The following TTC29 variants were observed in gnomAD, a reference collection of about 807,000 sequenced individuals.
The protein encoded by TTC29 is tetratricopeptide repeat protein 29.
Under a neutral mutation model 58.1 loss-of-function variants are expected in TTC29, and 49 were observed. That is an observed-to-expected ratio of 0.84 (90% CI 0.67 to 1.07). The LOEUF (loss-of-function observed/expected upper bound fraction) is 1.07. Ranked by LOEUF, TTC29 falls within the 50% of genes least tolerant of loss-of-function variation. The pLI is 0.00. For missense variants in TTC29, 582 were observed against 555.6 expected (o/e 1.05, Z -0.48); for synonymous variants, 209 against 196.8 (o/e 1.06, Z -0.52).
At chr4:146,942,847 G>T (rs1736538231) in intron 2 of TTC29, 4 of 413,490 alleles carry the variant, frequency 9.7e-6, no homozygotes, top group Non-Finnish European at 1.7e-5. Context: ...TAATTGCAGG[G>T]GTCTTTGAAG....
At chr4:146,714,510 A>T (rs1742774166) in intron 11 of TTC29, among the ~76,000 whole-genome samples, 1 of 151,926 alleles carries the variant, frequency 6.6e-6, no homozygotes, top group Non-Finnish European at 1.5e-5. Flanking sequence ...TGGGCAGAAA[A>T]TTTTCTAAAA....
chr4:146,879,653 C>A (rs1203363879), intron 6 of TTC29, among the ~76,000 whole-genome samples: 1 of 152,130 alleles, frequency 6.6e-6, no homozygotes, highest in Non-Finnish European at 1.5e-5. Context: ...AACTTTAACA[C>A]AGCAGGATCT....
chr4:146,809,336 T>G (rs1457863301), intron 10 of TTC29, among the ~76,000 whole-genome samples: 2 of 150,074 alleles, frequency 1.3e-5, no homozygotes, highest in African/African-American at 2.4e-5. Context: ...GGCAAAGACT[T>G]CATGACTAAA....
chr4:146,812,956 T>A (rs1231415971), intron 10 of TTC29: 1 of 152,168 alleles, frequency 6.6e-6, no homozygotes, highest in Non-Finnish European at 1.5e-5. Flanking sequence ...AGTTTGACAA[T>A]ATGCATCCTA....
At chr4:146,818,941 G>T (rs1306379213) in intron 10 of TTC29, among the ~76,000 whole-genome samples, 2 of 151,884 alleles carry the variant, frequency 1.3e-5, no homozygotes, top group Non-Finnish European at 2.9e-5. Context: ...TTGTGGGGTG[G>T]GGGATGGGGG....
rs1254677967 is a variant in TTC29, at chr4:146,767,160, C to T, written c.1330+36297G>A. Among the ~76,000 whole-genome samples the T allele has an allele frequency of 2.6e-5, 4 of 152,070 alleles. No individual in the cohort carries two copies. The East Asian group carries it at 5.8e-4, about 22-fold the overall frequency. On this transcript the variant is annotated intron_variant, in intron 11 of 12. Coordinates refer to ENST00000325106, the MANE Select transcript of TTC29 (RefSeq NM_031956.4). ...CAAAGATTTCATCCTATTTATGATA[C>T]TTTAAATCATTCCCCTTGTAGTTAA...
chr4:146,738,659 G>T (rs971792136), intron 11 of TTC29, among the ~76,000 whole-genome samples: 1 of 152,010 alleles, frequency 6.6e-6, no homozygotes, highest in Non-Finnish European at 1.5e-5. Flanking sequence ...AGGTCTCAGG[G>T]GTAGGCTTCA....
chr4:146,790,137 C>T (rs1465260680), intron 11 of TTC29, among the ~76,000 whole-genome samples: 4 of 152,226 alleles, frequency 2.6e-5, no homozygotes, highest in African/African-American at 9.6e-5. Context: ...CTCCTCAAAA[C>T]CTTCTATTTA....
intron 10 of TTC29, among the ~76,000 whole-genome samples, chr4:146,817,172 C>T (rs1185953385): frequency 2.6e-5 from 4 of 152,022 alleles, no homozygotes; most frequent in African/African-American, 9.7e-5. Context: ...TGATTGTATA[C>T]CTAGAAAACC....
chr4:146,931,397 C>T (rs1047200755), intron 4 of TTC29, among the ~76,000 whole-genome samples: 1 of 151,990 alleles, frequency 6.6e-6, no homozygotes, highest in Non-Finnish European at 1.5e-5. Context: ...TGCTTAAAAG[C>T]CAAAGAAAAA....
rs140560323 is a variant in TTC29, at chr4:146,882,907, C to G, written c.587-7979G>C. Among the ~76,000 whole-genome samples the G allele has an allele frequency of 3.4e-3, 524 of 152,058 alleles. 7 individuals are homozygous for G. The highest frequency in any genetic ancestry group is 0.014 in the East Asian group (73 of 5,184). On this transcript the variant is annotated intron_variant, in intron 6 of 12. Coordinates refer to ENST00000325106, the MANE Select transcript of TTC29 (RefSeq NM_031956.4). ...AGAAATAATGTTGGTTGAACTTCTACTATGTGCCAGGCGTGACACTAGCTG... is the reference window on the plus strand; with the variant it reads ...AGAAATAATGTTGGTTGAACTTCTAGTATGTGCCAGGCGTGACACTAGCTG...
chr4:146,867,197 A>G (rs1181563753), intron 8 of TTC29, among the ~76,000 whole-genome samples: 1 of 152,006 alleles, frequency 6.6e-6, no homozygotes, highest in Non-Finnish European at 1.5e-5. Context: ...ACTTAAACCT[A>G]TTTCCTCTTG....
chr4:146,751,210 A>C (rs1475738509), intron 11 of TTC29, among the ~76,000 whole-genome samples: 1 of 152,252 alleles, frequency 6.6e-6, no homozygotes, highest in African/African-American at 2.4e-5. Context: ...ACCTTAATAC[A>C]TAAAGCAAAT....
At chr4:146,926,219 T>C (rs967153419) in intron 4 of TTC29, among the ~76,000 whole-genome samples, 1 of 152,202 alleles carries the variant, frequency 6.6e-6, no homozygotes, top group African/African-American at 2.4e-5. Context: ...AACTTTCTTT[T>C]GGAGCTTAGT....
At chr4:146,786,858 A>C (rs1200679097) in intron 11 of TTC29, among the ~76,000 whole-genome samples, 1 of 152,122 alleles carries the variant, frequency 6.6e-6, no homozygotes, top group Non-Finnish European at 1.5e-5. Flanking sequence ...CATGGCTGTA[A>C]TCCCAGTGCT....
intron 11 of TTC29, among the ~76,000 whole-genome samples, chr4:146,787,766 GAA>G (rs1425437205): frequency 2.0e-5 from 3 of 152,188 alleles, no homozygotes; most frequent in African/African-American, 4.8e-5. Context: ...AGAGAAAGAT[GAA>G]AAGTGTTTTC....
At chr4:146,870,695 A>G (rs949034285) in intron 7 of TTC29, among the ~76,000 whole-genome samples, 2 of 152,018 alleles carry the variant, frequency 1.3e-5, no homozygotes, top group Non-Finnish European at 2.9e-5. Context: ...AAGGATTATA[A>G]GAGAATTTTG....
At chr4:146,856,041 AAC>A (rs1729831844) in intron 8 of TTC29, among the ~76,000 whole-genome samples, 1 of 152,330 alleles carries the variant, frequency 6.6e-6, no homozygotes, top group African/African-American at 2.4e-5. Context: ...TGCTCCAGCG[AAC>A]ATTTTCATAC....
chr4:146,900,587 T>C (rs1459210378), intron 6 of TTC29, among the ~76,000 whole-genome samples: 2 of 152,200 alleles, frequency 1.3e-5, no homozygotes, highest in Non-Finnish European at 2.9e-5. Context: ...AGGCAGAGTA[T>C]TTTTTGAACG....
Sources: gnomAD v4.1 joint callset for allele counts (sites outside exome capture counted in the v4.1 genomes callset) on GRCh38, gnomAD v4.1.1 for gene constraint, MANE v1.5 for transcripts, NCBI Gene and HGNC (gene_info 2026-07-23, HGNC 2026-07-21) for gene names.